NRXN3: variants seen among roughly 807,000 people sequenced by gnomAD.
The protein encoded by NRXN3 is neurexin 3.
NRXN3 carries 32 observed loss-of-function variants against 137.6 expected under a neutral mutation model. The observed-to-expected ratio is 0.23, with a 90% CI of 0.18 to 0.31. The LOEUF is 0.31. Among genes scored for constraint, NRXN3 ranks in the 10% least tolerant of loss-of-function variants. The probability of loss-of-function intolerance (pLI) is 1.00; values close to 1 mark genes in which losing one functional copy is unlikely to be tolerated. For synonymous variants in NRXN3, 798 were observed against 784.5 expected (o/e 1.02, Z -0.29); for missense variants, 1,574 against 2,062.5 (o/e 0.76, Z 4.59).
chr14:79,411,490 C>A (rs1055218258), intron 15 of NRXN3, among the ~76,000 whole-genome samples: 2 of 152,078 alleles, frequency 1.3e-5, no homozygotes, highest in Non-Finnish European at 2.9e-5. Context: ...ATTTTTGACT[C>A]CTGTTTTAAG....
At chr14:78,337,571 C>G (rs1043610904) in intron 4 of NRXN3, among the ~76,000 whole-genome samples, 6 of 152,116 alleles carry the variant, frequency 3.9e-5, no homozygotes, top group African/African-American at 1.4e-4. Context: ...ACAAGGGAGT[C>G]TTTAAGATAT....
intron 16 of NRXN3, among the ~76,000 whole-genome samples, chr14:79,663,503 A>G (rs957866253): frequency 6.6e-6 from 1 of 152,094 alleles, no homozygotes; most frequent in African/African-American, 2.4e-5. Context: ...CATAGCTACT[A>G]GGTAGTTCCA....
chr14:78,187,054 C>T (rs761785323), intron 1 of NRXN3, among the ~76,000 whole-genome samples: 3 of 152,210 alleles, frequency 2.0e-5, no homozygotes, highest in South Asian at 2.1e-4. Flanking sequence ...GCATGACGCT[C>T]GGAGTTATCA....
At chr14:79,250,585 G>T (rs900111455) in intron 15 of NRXN3, among the ~76,000 whole-genome samples, 1 of 152,130 alleles carries the variant, frequency 6.6e-6, no homozygotes, top group Non-Finnish European at 1.5e-5. Flanking sequence ...CTGGTTAGTG[G>T]TAAAAACCAG....
At chr14:79,047,769 A>G (rs968810892) in intron 15 of NRXN3, among the ~76,000 whole-genome samples, 6 of 152,204 alleles carry the variant, frequency 3.9e-5, no homozygotes, top group African/African-American at 1.4e-4. Context: ...AAAATTTAAA[A>G]GACGGACAAC....
chr14:78,448,684 G>A (rs147751017), intron 4 of NRXN3, among the ~76,000 whole-genome samples: 2 of 152,272 alleles, frequency 1.3e-5, no homozygotes, highest in South Asian at 4.2e-4. Context: ...TAATTTCATG[G>A]TCTGGCAGCT....
At chr14:79,261,435 A>G (rs918217860) in intron 15 of NRXN3, among the ~76,000 whole-genome samples, 1 of 152,074 alleles carries the variant, frequency 6.6e-6, no homozygotes, top group Non-Finnish European at 1.5e-5. Context: ...GGGCACAGAG[A>G]AGGAGAGATT....
chr14:79,191,754 C>T (rs577393214), intron 15 of NRXN3, among the ~76,000 whole-genome samples: 71 of 152,216 alleles, frequency 4.7e-4, no homozygotes, highest in Middle Eastern at 3.4e-3. Context: ...ATGTATACAG[C>T]AGGTGATTAA....
chr14:78,858,118 G>T (rs549135059), intron 10 of NRXN3, among the ~76,000 whole-genome samples: 6 of 152,172 alleles, frequency 3.9e-5, no homozygotes, highest in Non-Finnish European at 8.8e-5. Context: ...TTTACACCAT[G>T]TGTTGCCCTT....
intron 16 of NRXN3, among the ~76,000 whole-genome samples, chr14:79,550,005 C>G (rs765421093): frequency 1.3e-5 from 2 of 151,916 alleles, no homozygotes; most frequent in Non-Finnish European, 2.9e-5. Flanking sequence ...AGGTCTCACT[C>G]TGTCACCAGG....
At chr14:78,402,230 A>G (rs1228773604) in intron 4 of NRXN3, among the ~76,000 whole-genome samples, 1 of 152,226 alleles carries the variant, frequency 6.6e-6, no homozygotes, top group African/African-American at 2.4e-5. Context: ...GAAAAGATCC[A>G]CATGCAACGA....
intron 8 of NRXN3, among the ~76,000 whole-genome samples, chr14:78,741,358 A>C (rs990463324): frequency 2.6e-5 from 4 of 152,200 alleles, no homozygotes; most frequent in Admixed American, 2.6e-4. Flanking sequence ...AAAGGCATCA[A>C]CACTTCATTT....
chr14:79,436,900 CA>C (rs1294769772), intron 15 of NRXN3, among the ~76,000 whole-genome samples: 2 of 152,166 alleles, frequency 1.3e-5, no homozygotes, highest in Non-Finnish European at 2.9e-5. Context: ...GGCTTTATTG[CA>C]ACACCTCCCA....
At chr14:79,689,943 A>G (rs1255541071) in intron 17 of NRXN3, among the ~76,000 whole-genome samples, 5 of 152,166 alleles carry the variant, frequency 3.3e-5, no homozygotes, top group African/African-American at 1.2e-4. Context: ...TGCTAAGAAT[A>G]TTTAGCTTTA....
chr14:78,615,949 G>A (rs2097343795), intron 4 of NRXN3, among the ~76,000 whole-genome samples: 1 of 152,102 alleles, frequency 6.6e-6, no homozygotes, highest in South Asian at 2.1e-4. Context: ...GACAAAGCAA[G>A]ATCATCTCCA....
At chr14:79,351,671 A>G (rs2093214044) in intron 15 of NRXN3, among the ~76,000 whole-genome samples, 1 of 152,198 alleles carries the variant, frequency 6.6e-6, no homozygotes, top group African/African-American at 2.4e-5. Context: ...CTCACTAGCT[A>G]TAGCTTTAAT....
intron 14 of NRXN3, among the ~76,000 whole-genome samples, chr14:78,985,057 A>G (rs2099499709): frequency 6.6e-6 from 1 of 152,232 alleles, no homozygotes; most frequent in Admixed American, 6.5e-5. Context: ...AAGCAAATTC[A>G]GTGGAATTGA....
intron 4 of NRXN3, among the ~76,000 whole-genome samples, chr14:78,486,356 T>G (rs984652567): frequency 1.3e-5 from 2 of 152,216 alleles, no homozygotes; most frequent in African/African-American, 4.8e-5. Flanking sequence ...AGATGCCTCC[T>G]GTTCCTTTGG....
At position 79,004,227 on chromosome 14, in the gene NRXN3, C is replaced by T. The variant is rs192120633; in HGVS notation, c.3262+16086C>T. On this transcript the variant is annotated intron_variant, in intron 15 of 20. Transcript: ENST00000335750. ...TGATTCATTTACTTCTGAGCCTTTG[C>T]ATGGTGTTCATATAAATAGTGTTGA... 2.0e-4 allele frequency among the ~76,000 whole-genome samples: 30 copies of T among 152,212 alleles called. No homozygotes were observed. The East Asian group carries it at 5.8e-3, about 29-fold the overall frequency.
Sources: allele counts gnomAD v4.1 joint callset (sites outside exome capture counted in the v4.1 genomes callset), GRCh38; gene constraint gnomAD v4.1.1; transcripts MANE v1.5; gene names NCBI Gene and HGNC (gene_info 2026-07-23, HGNC 2026-07-21).